Variants in ROBO3 observed in about 807,000 individuals in gnomAD.
ROBO3 encodes the protein roundabout guidance receptor 3.
In ROBO3, 97 loss-of-function variants were observed where a neutral mutation model predicts 160.5. The observed-to-expected ratio is 0.60, with a 90% confidence interval of 0.51 to 0.72. ROBO3 has a LOEUF of 0.72. ROBO3 is among the 30% of genes least tolerant of loss of function. ROBO3 has a pLI of 0.00. For missense variants in ROBO3, 1,858 were observed against 1,846.5 expected, an observed-to-expected ratio of 1.01 and a Z score of -0.11; for synonymous variants, 780 against 746.2, an observed-to-expected ratio of 1.05 and a Z score of -0.74.
At chr11:124,880,915 T>C (rs1170026228) in intron 27 of ROBO3, among the ~76,000 whole-genome samples, 1 of 151,990 alleles carries the variant, frequency 6.6e-6, no homozygotes, top group Non-Finnish European at 1.5e-5. Flanking sequence ...TAGCTGGGCG[T>C]GGTGGTATGC....
At position 124,876,641 on chromosome 11, in the gene ROBO3, G is replaced by A. The variant is rs568002343; in HGVS notation, c.2779+181G>A. 5.7e-5 allele frequency: 30 copies of A among 527,216 alleles called. No individual in the cohort carries two copies. The East Asian group carries it at 8.8e-4, about 15-fold the overall frequency. 32.7% of individuals were successfully genotyped at this position (527,216 alleles called of 1,614,324 possible). On this transcript the variant is annotated intron_variant, in intron 17 of 27. Transcript: ENST00000397801. The surrounding 1 kb of genome is among the most constrained non-coding windows in gnomAD (Gnocchi z 5.3). ...CGACTCGAGGAGCTGCCAGGACTAG[G>A]GAGGGCTGCGGGCCAAGACGGGGCG...
chr11:124,876,413 C>G lies in ROBO3; in HGVS notation c.2732C>G (p.Ala911Gly). Residue 911 changes from alanine to glycine, a missense_variant, in exon 17 of 28, where the codon GCC (alanine) becomes GGC (glycine). Ala to Gly is a moderately conservative substitution (Grantham distance 60). Transcript: ENST00000397801. This position sits in a 1 kb window ranked among gnomAD's most constrained non-coding sequence, Gnocchi z 5.3. ...GCGCTGCTTCTCGGGCTCTGCGCCG[C>G]CCTCTACTGGCGCCGGAAACAGCGC... ...CGALLLGLCA[A>G]LYWRRKQRKE... is the part of the protein sequence containing the mutation. The G allele has an allele frequency of 6.9e-7, 1 of 1,451,566 alleles. No individual in the cohort carries two copies. The allele number at this position is 1,451,566 out of a possible 1,614,324, so 89.9% of individuals were successfully genotyped here.
At chr11:124,875,037 T>TGGGCCTGGATGGCCTGGA (rs1946333792) in intron 13 of ROBO3, 74 bp from the exon 14 acceptor site, 1 of 1,511,504 alleles carries the variant, frequency 6.6e-7, no homozygotes, top group African/African-American at 1.4e-5. Context: ...GAGGAGGGGC[T>TGGGCCTGGATGGCCTGGA]GGGCCTGGAT....
rs1565317246 is a variant in ROBO3, at chr11:124,880,594, C to A, written c.4135C>A (p.Gln1379Lys). 1 of 1,547,080 alleles carries A rather than the reference C, an allele frequency of 6.5e-7. No individual in the cohort carries two copies. Among genetic ancestry groups the A allele is most frequent in the Non-Finnish European group, 8.7e-7 (1 of 1,145,872 alleles). The change falls in exon 27 of 28, where the codon CAG (glutamine) becomes AAG (lysine). Residue 1379 changes from glutamine to lysine, a missense_variant. By Grantham distance (53) the Gln-to-Lys change is moderately conservative. Transcript: ENST00000397801. ...QSRSQSQRPG[Q>K]KRREEPR ...CCGGAGCCAGAGCCAAAGGCCAGGA[C>A]AGAAACGCCGAGAGGTAGGGGCCAT...
At position 124,876,324 on chromosome 11, in the gene ROBO3, G is replaced by A. The variant is rs755392258; in HGVS notation, c.2643G>A (p.Ala881=). Residue 881 remains alanine, a synonymous_variant, in exon 17 of 28, where the codon GCG becomes GCA. Coordinates refer to ENST00000397801, the MANE Select transcript of ROBO3 (RefSeq NM_022370.4). This position sits in a 1 kb window ranked among gnomAD's most constrained non-coding sequence, Gnocchi z 5.3. ...EPGLEVGAGL[A]VRLARVLREP... is the part of the protein sequence containing the mutation. Reference sequence around the variant, plus strand: ...GGCTGGAGGTGGGCGCGGGGCTGGCGGTGCGGCTGGCGAGGGTGCTGCGGG... The same window carrying A: ...GGCTGGAGGTGGGCGCGGGGCTGGCAGTGCGGCTGGCGAGGGTGCTGCGGG... The A allele has an allele frequency of 6.9e-7, 1 of 1,441,008 alleles. No homozygotes were observed. The highest frequency in any genetic ancestry group is 9.0e-7 in the Non-Finnish European group (1 of 1,108,870). The allele number at this position is 1,441,008 out of a possible 1,614,324, so 89.3% of individuals were successfully genotyped here.
In ROBO3 at chr11:124,873,458, G is replaced by T; in HGVS notation, c.1618+67G>T. ...TCCAAACCTGCTTCAACAGGTAGTC[G>T]ATACCTCCTCAAACTCCGGGATTAA... On this transcript the variant is annotated intron_variant, in intron 10 of 27. Transcript: ENST00000397801. The surrounding 1 kb of genome is among the most constrained non-coding windows in gnomAD (Gnocchi z 4.5). The T allele has an allele frequency of 7.5e-7, 1 of 1,338,268 alleles. No individual in the cohort carries two copies. Among genetic ancestry groups the T allele is most frequent in the Non-Finnish European group, 1.1e-6 (1 of 949,262 alleles). The allele number at this position is 1,338,268 out of a possible 1,614,324, so 82.9% of individuals were successfully genotyped here. A position where few individuals can be genotyped will look rare whatever the true frequency, so the allele number is the denominator to read the frequency against.
Position 124,869,436 on chromosome 11 carries a change from A to C in ROBO3, c.488-14A>C, listed in dbSNP as rs11219820. On this transcript the variant is annotated splice_polypyrimidine_tract_variant and intron_variant, in intron 2 of 27. Transcript: ENST00000397801. The surrounding 1 kb of genome is among the most constrained non-coding windows in gnomAD (Gnocchi z 4.2). ...CTACACCCTGCTTATTTCGCCCCCC[A>C]CCGCCCCGCCCAGTCCTCCGTGATG... 0.5 allele frequency: 571,545 copies of C among 1,135,930 alleles called. 177,320 individuals are homozygous for C. The highest frequency in any genetic ancestry group is 0.67 in the African/African-American group (39,577 of 58,974). The allele number at this position is 1,135,930 out of a possible 1,614,324, so 70.4% of individuals were successfully genotyped here. A position where few individuals can be genotyped will look rare whatever the true frequency, so the allele number is the denominator to read the frequency against.
rs557935994 is a variant in ROBO3, at chr11:124,874,136, C to T, written c.1851C>T (p.Ser617=). The T allele has an allele frequency of 4.3e-6, 7 of 1,613,834 alleles. No homozygotes were observed. The highest frequency in any genetic ancestry group is 4.0e-5 in the African/African-American group (3 of 74,902). The change falls in exon 12 of 28, where the codon AGC becomes AGT. Residue 617 remains serine (S), a synonymous_variant. Transcript: ENST00000397801. ...TGCAGCTGGAGACACACACAGTCAG[C>T]GGTCTGCAGCCCAATACCATCTACC... ...DGVQLETHTV[S]GLQPNTIYLF...
intron 23 of ROBO3, 181 bp from the exon 24 acceptor site, chr11:124,879,009 A>C: frequency 1.2e-6 from 1 of 805,340 alleles, no homozygotes; most frequent in Admixed American, 2.6e-5. Context: ...AGTGGTCAGC[A>C]CTCTACCTGA....
Position 124,871,057 on chromosome 11 carries a change from T to C in ROBO3, c.1077T>C (p.Ala359=), listed in dbSNP as rs1321606416. The C allele has an allele frequency of 2.5e-6, 4 of 1,613,540 alleles. No individual in the cohort carries two copies. In the Admixed American group the frequency reaches 6.7e-5, roughly 27 times the overall value. The change falls in exon 7 of 28, where the codon GCT becomes GCC. Residue 359 remains alanine, a synonymous_variant. Transcript: ENST00000397801. ...CCCAGCCCCAGGACCAGATGGCAGC[T>C]CCTGGAGAGAGCGTGGCTTTCCAGT... ...LVTQPQDQMA[A]PGESVAFQCE...
Position 124,870,246 on chromosome 11 carries a change from G to C in ROBO3, c.848G>C (p.Gly283Ala), listed in dbSNP as rs746466222. Residue 283 changes from glycine (G) to alanine (A), a missense_variant, in exon 5 of 28, where the codon GGG becomes GCG. Transcript: ENST00000397801. ...APVTFLCEVK[G>A]DPPPRLRWRK... is the part of the protein sequence containing the mutation. ...GTGACTTTCCTATGTGAGGTGAAGG[G>C]GGATCCCCCACCTCGTCTACGCTGG... is the stretch of plus-strand genomic sequence containing the variant. The C allele has an allele frequency of 6.2e-7, 1 of 1,614,018 alleles. No homozygotes were observed. Among genetic ancestry groups the C allele is most frequent in the South Asian group, 1.1e-5 (1 of 91,086 alleles).
chr11:124,869,427 T>TCTCCCCCCCCC lies in ROBO3; in HGVS notation c.488-22_488-21insTCCCCCCCCCC. ...TATGTCACTCTACACCCTGCTTATT[T>TCTCCCCCCCCC]CGCCCCCCACCGCCCCGCCCAGTCC... On this transcript the variant is annotated intron_variant, in intron 2 of 27. Coordinates refer to ENST00000397801, the MANE Select transcript of ROBO3 (RefSeq NM_022370.4). The surrounding 1 kb of genome is among the most constrained non-coding windows in gnomAD (Gnocchi z 4.2). 7.1e-7 allele frequency: 1 copy of TCTCCCCCCCCC among 1,402,240 alleles called. No homozygotes were observed. The highest frequency in any genetic ancestry group is 9.7e-7 in the Non-Finnish European group (1 of 1,030,078). The allele number at this position is 1,402,240 out of a possible 1,614,324, so 86.9% of individuals were successfully genotyped here.
chr11:124,873,357 G>A lies in ROBO3; in HGVS notation c.1584G>A (p.Gly528=). The change falls in exon 10 of 28, where the codon GGG becomes GGA. Residue 528 remains glycine, a synonymous_variant. Transcript: ENST00000397801. This position sits in a 1 kb window ranked among gnomAD's most constrained non-coding sequence, Gnocchi z 4.5. ...FYSCVAKSST[G]EATWSGWLKM... ...GCTGCGTGGCCAAGAGTTCCACAGG[G>A]GAAGCCACATGGAGCGGCTGGCTTA... is the stretch of plus-strand genomic sequence containing the variant. 1.9e-6 allele frequency: 3 copies of A among 1,612,658 alleles called. No homozygotes were observed. The highest frequency in any genetic ancestry group is 1.7e-5 in the Admixed American group (1 of 59,864).
In ROBO3 at chr11:124,873,924, G is replaced by T; in HGVS notation, c.1784+62G>T. 1 of 1,601,046 alleles carries T rather than the reference G, an allele frequency of 6.2e-7. No individual in the cohort carries two copies. Among genetic ancestry groups the T allele is most frequent in the Non-Finnish European group, 8.5e-7 (1 of 1,169,702 alleles). ...AAAAGGAGGGGATCCTATGCCCTTAGGGTCTTTGCTATTGTGAGGTGGGAT... is the reference window on the plus strand; with the variant it reads ...AAAAGGAGGGGATCCTATGCCCTTATGGTCTTTGCTATTGTGAGGTGGGAT... On this transcript the variant is annotated intron_variant, in intron 11 of 27. Transcript: ENST00000397801. The surrounding 1 kb of genome is among the most constrained non-coding windows in gnomAD (Gnocchi z 4.5).
At chr11:124,877,803 C>A in intron 20 of ROBO3, 134 bp from the exon 21 acceptor site, 2 of 1,215,294 alleles carry the variant, frequency 1.6e-6, no homozygotes, top group Non-Finnish European at 2.4e-6. Context: ...CTCAGACCTA[C>A]CTCCACCCTG....
Position 124,876,760 on chromosome 11 carries a change from CCACT to C in ROBO3, c.2779+303_2779+306del, listed in dbSNP as rs753082346. On this transcript the variant is annotated intron_variant, in intron 17 of 27. Transcript: ENST00000397801. This position sits in a 1 kb window ranked among gnomAD's most constrained non-coding sequence, Gnocchi z 5.3. ...AGGGGCAAGTTCGAGGACGGAAAGC[CCACT>C]CAAAGGGCGGGGGGCGGGGCCTGGC... 51 of 458,574 alleles carry C rather than the reference CCACT, an allele frequency of 1.1e-4. No homozygotes were observed. The highest frequency in any genetic ancestry group is 1.5e-4 in the Non-Finnish European group (40 of 258,536). The allele number at this position is 458,574 out of a possible 1,614,324, so 28.4% of individuals were successfully genotyped here. A position where few individuals can be genotyped will look rare whatever the true frequency, so the allele number is the denominator to read the frequency against.
chr11:124,868,056 G>T (rs1366541805), intron 1 of ROBO3, among the ~76,000 whole-genome samples: 41 of 152,226 alleles, frequency 2.7e-4, no homozygotes, highest in Non-Finnish European at 5.9e-5. Context: ...AACAGGGGAA[G>T]TAGAGGAACA....
intron 7 of ROBO3, among the ~76,000 whole-genome samples, chr11:124,871,419 T>C (rs1360953192): frequency 6.6e-6 from 1 of 152,232 alleles, no homozygotes; most frequent in South Asian, 2.1e-4. Context: ...GGCAAGGCTA[T>C]CCTGAGGATG....
chr11:124,878,217 G>A lies in ROBO3; in HGVS notation c.3182-81G>A. 3 of 1,577,698 alleles carry A rather than the reference G, an allele frequency of 1.9e-6. No individual in the cohort carries two copies. Among genetic ancestry groups the A allele is most frequent in the Non-Finnish European group, 2.6e-6 (3 of 1,157,502 alleles). ...CTCCTCCCTGACCCTCTGGCACCTA[G>A]CCCGGCACTTCCTTCTGACCTGTCT... On this transcript the variant is annotated intron_variant, in intron 21 of 27. Transcript: ENST00000397801. The surrounding 1 kb of genome is among the most constrained non-coding windows in gnomAD (Gnocchi z 4.3).
Sources: gnomAD v4.1 joint callset for allele counts (sites outside exome capture counted in the v4.1 genomes callset) on GRCh38, gnomAD v4.1.1 for gene constraint, Gnocchi (gnomAD v3.1) non-coding constraint, MANE v1.5 for transcripts, NCBI Gene and HGNC (gene_info 2026-07-23, HGNC 2026-07-21) for gene names.